The following ULK4 variants were observed in gnomAD, a reference collection of about 807,000 sequenced individuals.
The protein encoded by ULK4 is unc-51 like kinase 4.
Under a neutral mutation model 160.6 loss-of-function variants are expected in ULK4, and 133 were observed. The ratio of observed to expected loss-of-function variants is 0.83; its 90% CI spans 0.72 to 0.96. ULK4 has a LOEUF of 0.96. Ranked by LOEUF, ULK4 falls within the 40% of genes least tolerant of loss-of-function variation. The pLI, the probability that ULK4 is intolerant of heterozygous loss-of-function variation, is 0.00. For synonymous variants in ULK4, 534 were observed against 539.8 expected, an observed-to-expected ratio of 0.99 and a Z score of 0.15; for missense variants, 1,580 against 1,499.5, an observed-to-expected ratio of 1.05 and a Z score of -0.89.
chr3:41,786,108 C>T (rs1236687871), intron 21 of ULK4, among the ~76,000 whole-genome samples: 2 of 152,312 alleles, frequency 1.3e-5, no homozygotes, highest in Admixed American at 6.5e-5. Flanking sequence ...CCCTAACAGT[C>T]ACTCTATCAC....
chr3:41,376,692 G>C, intron 35 of ULK4, among the ~76,000 whole-genome samples: 1 of 149,670 alleles, frequency 6.7e-6, no homozygotes, highest in Non-Finnish European at 1.5e-5. Flanking sequence ...TCTTCAAGGA[G>C]AACTACAAAC....
intron 17 of ULK4, among the ~76,000 whole-genome samples, chr3:41,876,315 T>A (rs1207553878): frequency 1.3e-5 from 2 of 152,100 alleles, no homozygotes; most frequent in Non-Finnish European, 2.9e-5. Context: ...GGAAGAAAAA[T>A]TAAATACTCC....
At chr3:41,502,025 T>C (rs2085227757) in intron 32 of ULK4, among the ~76,000 whole-genome samples, 1 of 152,244 alleles carries the variant, frequency 6.6e-6, no homozygotes, top group Admixed American at 6.5e-5. Flanking sequence ...AATCATAGGC[T>C]TTCCTTCTTT....
At chr3:41,477,105 A>G (rs1352863487) in intron 32 of ULK4, among the ~76,000 whole-genome samples, 3 of 152,218 alleles carry the variant, frequency 2.0e-5, no homozygotes, top group Non-Finnish European at 4.4e-5. Context: ...CTCTAAAAGA[A>G]GCCAACATTC....
chr3:41,728,092 AT>A (rs1473834589), intron 22 of ULK4, among the ~76,000 whole-genome samples: 1 of 152,200 alleles, frequency 6.6e-6, no homozygotes, highest in Non-Finnish European at 1.5e-5. Flanking sequence ...TCGGTAGCAC[AT>A]GGAGAGTTGG....
intron 22 of ULK4, among the ~76,000 whole-genome samples, chr3:41,718,089 T>A (rs1014553228): frequency 1.3e-5 from 2 of 152,120 alleles, no homozygotes; most frequent in East Asian, 3.9e-4. Context: ...CCTGATTCCA[T>A]TTGCCTTGGC....
chr3:41,745,446 G>T (rs552912271), intron 22 of ULK4, among the ~76,000 whole-genome samples: 9 of 151,502 alleles, frequency 5.9e-5, no homozygotes, highest in African/African-American at 2.2e-4. Flanking sequence ...ACCAAAACTT[G>T]ACCTAGTAAA....
chr3:41,565,104 C>T (rs955528339), intron 32 of ULK4, among the ~76,000 whole-genome samples: 1 of 152,196 alleles, frequency 6.6e-6, no homozygotes, highest in Admixed American at 6.5e-5. Context: ...AAATACCATA[C>T]AGCCTAGGTG....
chr3:41,702,333 T>C (rs571591328), intron 27 of ULK4, among the ~76,000 whole-genome samples: 3 of 152,078 alleles, frequency 2.0e-5, no homozygotes, highest in East Asian at 1.9e-4. Flanking sequence ...TTAGTAGAGA[T>C]GGGATTTCAC....
intron 17 of ULK4, among the ~76,000 whole-genome samples, chr3:41,871,375 A>G (rs566688089): frequency 1.3e-5 from 2 of 152,368 alleles, no homozygotes; most frequent in Admixed American, 1.3e-4. Context: ...TAATATGTAT[A>G]TTCATATGGA....
intron 35 of ULK4, among the ~76,000 whole-genome samples, chr3:41,281,821 A>G (rs1463877593): frequency 6.6e-6 from 1 of 152,268 alleles, no homozygotes. Context: ...CAAGAGAAAG[A>G]AATAAAGGGT....
chr3:41,837,912 C>T (rs550172025), intron 17 of ULK4, among the ~76,000 whole-genome samples: 6 of 152,282 alleles, frequency 3.9e-5, no homozygotes, highest in Admixed American at 1.3e-4. Context: ...ATGTACCAAA[C>T]GTGTAACTCT....
intron 32 of ULK4, among the ~76,000 whole-genome samples, chr3:41,555,850 C>A (rs1422184739): frequency 6.6e-6 from 1 of 151,864 alleles, no homozygotes; most frequent in East Asian, 1.9e-4. Context: ...AAAACAAAAC[C>A]AAAACAAGAT....
At chr3:41,300,886 T>A (rs2079782084) in intron 35 of ULK4, among the ~76,000 whole-genome samples, 1 of 127,130 alleles carries the variant, frequency 7.9e-6, no homozygotes, top group African/African-American at 3.0e-5. Flanking sequence ...TATATATATA[T>A]TTGGTATCTT....
At chr3:41,723,951 C>G (rs1299103224) in intron 22 of ULK4, among the ~76,000 whole-genome samples, 1 of 152,166 alleles carries the variant, frequency 6.6e-6, no homozygotes, top group Non-Finnish European at 1.5e-5. Context: ...CAGAGACATT[C>G]ATGCTAAAGT....
intron 32 of ULK4, among the ~76,000 whole-genome samples, chr3:41,510,317 T>C (rs184896703): frequency 6.6e-6 from 1 of 152,198 alleles, no homozygotes; most frequent in African/African-American, 2.4e-5. Flanking sequence ...ATACTGAAAC[T>C]CCCAAATTTA....
chr3:41,549,086 G>A (rs1559385102), intron 32 of ULK4, among the ~76,000 whole-genome samples: 1 of 152,148 alleles, frequency 6.6e-6, no homozygotes, highest in Non-Finnish European at 1.5e-5. Flanking sequence ...AGGAAGAAGT[G>A]CCTGTTACAC....
In ULK4 at chr3:41,441,198, G is replaced by T. The variant is rs1196351568; in HGVS notation, c.3492+14299C>A. Among the ~76,000 whole-genome samples the T allele has an allele frequency of 1.1e-4, 16 of 151,900 alleles. 1 individual carries two copies. Among genetic ancestry groups the T allele is most frequent in the Non-Finnish European group, 2.4e-4 (16 of 67,942 alleles). On this transcript the variant is annotated intron_variant, in intron 34 of 36. Coordinates refer to ENST00000301831, the MANE Select transcript of ULK4 (RefSeq NM_017886.4). ...CTTCTACTTACGTTGGGTTTAATTT[G>T]CTCTTCTTTTTCTAGTCTTTTAAGG...
In ULK4 at chr3:41,589,930, A is replaced by G. The variant is rs1276353494; in HGVS notation, c.3121-23800T>C. On this transcript the variant is annotated intron_variant, in intron 31 of 36. Coordinates refer to ENST00000301831, the MANE Select transcript of ULK4 (RefSeq NM_017886.4). ...TAAAATTTCTATTATAAAGACACACAATAAGCTCAAGAGTGCAGAGGAAAA... is the reference window on the plus strand; with the variant it reads ...TAAAATTTCTATTATAAAGACACACGATAAGCTCAAGAGTGCAGAGGAAAA... Among the ~76,000 whole-genome samples, 6 of 152,292 alleles carry G rather than the reference A, an allele frequency of 3.9e-5. No homozygotes were observed. In the East Asian group the frequency reaches 9.7e-4, roughly 25 times the overall value.
Sources: gnomAD v4.1 joint callset for allele counts (sites outside exome capture counted in the v4.1 genomes callset) on GRCh38, gnomAD v4.1.1 for gene constraint, MANE v1.5 for transcripts, NCBI Gene and HGNC (gene_info 2026-07-23, HGNC 2026-07-21) for gene names.